EFCAB11: variants seen among roughly 807,000 people sequenced by gnomAD.
The protein encoded by EFCAB11 is EF-hand calcium binding domain 11.
Under a neutral mutation model 23.0 loss-of-function variants are expected in EFCAB11, and 14 were observed. The ratio of observed to expected loss-of-function variants is 0.61; its 90% CI spans 0.40 to 0.95. The LOEUF is 0.95. Ranked by LOEUF, EFCAB11 falls within the 40% of genes least tolerant of loss-of-function variation. The pLI, the probability that EFCAB11 is intolerant of heterozygous loss-of-function variation, is 0.00. For synonymous variants in EFCAB11, 65 were observed against 66.6 expected, an observed-to-expected ratio of 0.98 and a Z score of 0.11; for missense variants, 198 against 195.8, an observed-to-expected ratio of 1.01 and a Z score of -0.07.
At chr14:89,892,956 C>T (rs1442444236) in intron 5 of EFCAB11, among the ~76,000 whole-genome samples, 1 of 152,140 alleles carries the variant, frequency 6.6e-6, no homozygotes, top group Non-Finnish European at 1.5e-5. Context: ...TGTGCAACTT[C>T]CTGTCCTTGA....
chr14:89,834,681 G>T (rs1027975648), intron 5 of EFCAB11, among the ~76,000 whole-genome samples: 2 of 152,212 alleles, frequency 1.3e-5, no homozygotes, highest in Admixed American at 1.3e-4. Flanking sequence ...AAGGACTGAA[G>T]TACCCACGGA....
chr14:89,891,856 C>T (rs1261694450), intron 5 of EFCAB11, among the ~76,000 whole-genome samples: 1 of 152,054 alleles, frequency 6.6e-6, no homozygotes, highest in African/African-American at 2.4e-5. Flanking sequence ...CGGCGGTGGG[C>T]AAGACGTCGC....
At chr14:89,901,226 C>T (rs1157817935) in intron 5 of EFCAB11, among the ~76,000 whole-genome samples, 1 of 152,146 alleles carries the variant, frequency 6.6e-6, no homozygotes, top group Non-Finnish European at 1.5e-5. Flanking sequence ...CTCAAAATCA[C>T]TTTTTTATGT....
chr14:89,870,863 C>T (rs527736850), intron 5 of EFCAB11, among the ~76,000 whole-genome samples: 1 of 152,136 alleles, frequency 6.6e-6, no homozygotes, highest in Non-Finnish European at 1.5e-5. Flanking sequence ...CCGCTTGAAC[C>T]CGGGAAGTGG....
chr14:89,932,467 C>T (rs1353059687), intron 4 of EFCAB11, 59 bp downstream of exon 4: 1 of 1,305,962 alleles, frequency 7.7e-7, no homozygotes, highest in African/African-American at 1.5e-5. Flanking sequence ...GTATATAATC[C>T]TATTTGCAAT....
intron 5 of EFCAB11, among the ~76,000 whole-genome samples, chr14:89,881,588 C>G (rs1888605197): frequency 6.6e-6 from 1 of 150,682 alleles, no homozygotes; most frequent in Non-Finnish European, 1.5e-5. Flanking sequence ...GCTGGGATTA[C>G]AGACATTCAC....
At chr14:89,829,133 T>G (rs886626788) in intron 5 of EFCAB11, among the ~76,000 whole-genome samples, 1 of 152,226 alleles carries the variant, frequency 6.6e-6, no homozygotes, top group Admixed American at 6.5e-5. Context: ...CTATGAAAGA[T>G]TATATTGTCA....
At chr14:89,830,798 T>A (rs1026809698) in intron 5 of EFCAB11, 5 of 152,260 alleles carry the variant, frequency 3.3e-5, no homozygotes, top group Admixed American at 6.5e-5. Context: ...GTTCTCATGC[T>A]TAGTGCTATA....
At chr14:89,910,814 G>A (rs1889654232) in intron 5 of EFCAB11, among the ~76,000 whole-genome samples, 2 of 152,100 alleles carry the variant, frequency 1.3e-5, no homozygotes, top group South Asian at 4.1e-4. Context: ...AATGGCAGAG[G>A]AGGGAGAACG....
At chr14:89,821,389 C>T (rs1465512508) in intron 5 of EFCAB11, among the ~76,000 whole-genome samples, 1 of 152,120 alleles carries the variant, frequency 6.6e-6, no homozygotes, top group Non-Finnish European at 1.5e-5. Context: ...AAGCCAGTTC[C>T]TTAAAACCAG....
At chr14:89,918,672 A>G (rs1260368478) in intron 5 of EFCAB11, among the ~76,000 whole-genome samples, 1 of 152,144 alleles carries the variant, frequency 6.6e-6, no homozygotes, top group Non-Finnish European at 1.5e-5. Context: ...TGCAAAGCAC[A>G]GTAGTGGGAA....
intron 5 of EFCAB11, among the ~76,000 whole-genome samples, chr14:89,850,234 G>GCA (rs994723672): frequency 3.0e-4 from 45 of 152,038 alleles, no homozygotes; most frequent in African/African-American, 1.0e-3. Flanking sequence ...ATGGTCCTGT[G>GCA]CACACACACA....
intron 5 of EFCAB11, among the ~76,000 whole-genome samples, chr14:89,862,303 A>G (rs563030062): frequency 9.9e-5 from 15 of 152,054 alleles, no homozygotes; most frequent in Non-Finnish European, 1.8e-4. Flanking sequence ...AGAAACAGAT[A>G]CTAAAAGCAT....
At chr14:89,836,646 C>G (rs1480008035) in intron 5 of EFCAB11, 1 of 456,594 alleles carries the variant, frequency 2.2e-6, no homozygotes, top group Admixed American at 2.3e-5. Context: ...CCTTCTAGCT[C>G]ATTATTAATG....
chr14:89,917,051 T>TGTGTGTG (rs1278505048), intron 5 of EFCAB11, among the ~76,000 whole-genome samples: 1 of 132,054 alleles, frequency 7.6e-6, no homozygotes, highest in Non-Finnish European at 1.6e-5. Flanking sequence ...CCTGACATGC[T>TGTGTGTG]TCGTGTGTGT....
intron 5 of EFCAB11, among the ~76,000 whole-genome samples, chr14:89,800,224 C>CAAAT (rs397805494): frequency 6.6e-6 from 1 of 150,572 alleles, no homozygotes. Flanking sequence ...AACAAACAAA[C>CAAAT]GCACGCCTGA....
chr14:89,882,275 TGTTTCTGTTAAGG>T, intron 5 of EFCAB11, among the ~76,000 whole-genome samples: 1 of 152,354 alleles, frequency 6.6e-6, no homozygotes, highest in East Asian at 1.9e-4. Context: ...TCTTATTATT[TGTTTCTGTTAAGG>T]GTGAAGCACA....
chr14:89,935,148 G>C (rs999896500), intron 3 of EFCAB11, among the ~76,000 whole-genome samples: 7 of 151,934 alleles, frequency 4.6e-5, no homozygotes, highest in African/African-American at 1.2e-4. Flanking sequence ...GTGACCCGAC[G>C]GCCCTTTGTT....
At chr14:89,800,185 T>G (rs1481404282) in intron 5 of EFCAB11, among the ~76,000 whole-genome samples, 2 of 116,992 alleles carry the variant, frequency 1.7e-5, no homozygotes, top group Non-Finnish European at 1.8e-5. Flanking sequence ...AAACTCAATC[T>G]CGTAAACAAA....
Sources: allele counts gnomAD v4.1 joint callset (sites outside exome capture counted in the v4.1 genomes callset), GRCh38; gene constraint gnomAD v4.1.1; transcripts MANE v1.5; gene names NCBI Gene and HGNC (gene_info 2026-07-23, HGNC 2026-07-21).